RCOR1: variants seen among roughly 807,000 people sequenced by gnomAD.
RCOR1 encodes REST corepressor.
RCOR1 carries 12 observed loss-of-function variants against 64.0 expected under a neutral mutation model. That is an observed-to-expected ratio of 0.19 (90% confidence interval 0.12 to 0.30). The LOEUF (loss-of-function observed/expected upper bound fraction) is 0.30. Ranked by LOEUF, RCOR1 falls within the 10% of genes least tolerant of loss-of-function variation. The pLI, the probability that RCOR1 is intolerant of heterozygous loss-of-function variation, is 1.00. For synonymous variants in RCOR1, 279 were observed against 227.2 expected (o/e 1.23, Z -2.05); for missense variants, 502 against 621.2 (o/e 0.81, Z 2.04).
chr14:102,674,688 C>T (rs974955375), intron 2 of RCOR1, among the ~76,000 whole-genome samples: 1 of 152,110 alleles, frequency 6.6e-6, no homozygotes, highest in Non-Finnish European at 1.5e-5. Flanking sequence ...TTTCTTACCC[C>T]CTTGATGGCA....
rs779843116 is a variant in RCOR1, at chr14:102,730,039, T to C, written c.*3533T>C. On this transcript the variant is annotated 3_prime_UTR_variant, in exon 12 of 12. Transcript: ENST00000262241. ...CAGCTTCTCTTACCTGTCTTACCTG[T>C]AGTAAAGCACAATTGCAGTGGCGTC... The C allele has an allele frequency of 1.5e-5, 6 of 398,920 alleles. No individual in the cohort carries two copies. The highest frequency in any genetic ancestry group is 2.7e-5 in the Non-Finnish European group (6 of 226,076). 24.7% of individuals were successfully genotyped at this position (398,920 alleles called of 1,614,324 possible).
chr14:102,682,245 C>A (rs1173229211), intron 3 of RCOR1, among the ~76,000 whole-genome samples: 3 of 152,084 alleles, frequency 2.0e-5, no homozygotes, highest in Non-Finnish European at 4.4e-5. Flanking sequence ...TTCTCCAGCC[C>A]CAGCCTCCTG....
At chr14:102,678,514 G>A (rs1038467722) in intron 2 of RCOR1, among the ~76,000 whole-genome samples, 1 of 152,052 alleles carries the variant, frequency 6.6e-6, no homozygotes, top group Non-Finnish European at 1.5e-5. Flanking sequence ...GGTCAGGCTG[G>A]TCTCGAACCC....
chr14:102,682,651 G>A (rs776060608), intron 3 of RCOR1, among the ~76,000 whole-genome samples: 2 of 152,104 alleles, frequency 1.3e-5, no homozygotes, highest in African/African-American at 2.4e-5. Flanking sequence ...TTCATCTCCT[G>A]TTGTCCTTCT....
At chr14:102,659,171 C>T in intron 2 of RCOR1, 2 of 984,794 alleles carry the variant, frequency 2.0e-6, no homozygotes, top group Non-Finnish European at 2.4e-6. Flanking sequence ...TAAAAAGAAG[C>T]TCTTTAGATA....
At chr14:102,631,719 G>A (rs1894114890) in intron 2 of RCOR1, among the ~76,000 whole-genome samples, 1 of 152,152 alleles carries the variant, frequency 6.6e-6, no homozygotes, top group South Asian at 2.1e-4. Flanking sequence ...GAGTATGCAT[G>A]TGATGTTTTA....
chr14:102,628,680 G>A (rs147953692), intron 2 of RCOR1, among the ~76,000 whole-genome samples: 8 of 152,186 alleles, frequency 5.3e-5, no homozygotes, highest in Non-Finnish European at 7.4e-5. Context: ...TCAGCCTCCC[G>A]AGAGGTGGGA....
intron 2 of RCOR1, among the ~76,000 whole-genome samples, chr14:102,665,699 G>A (rs556628906): frequency 6.6e-6 from 1 of 152,294 alleles, no homozygotes; most frequent in East Asian, 1.9e-4. Flanking sequence ...TTGAGTCCCA[G>A]ATGGGAGTTC....
In RCOR1 at chr14:102,726,694, A is replaced by G; in HGVS notation, c.*188A>G. 1.7e-6 allele frequency: 1 copy of G among 576,722 alleles called. No individual in the cohort carries two copies. The highest frequency in any genetic ancestry group is 3.0e-6 in the Non-Finnish European group (1 of 332,202). The allele number at this position is 576,722 out of a possible 1,614,324, so 35.7% of individuals were successfully genotyped here. Reference sequence around the variant, plus strand: ...TTGCTCGTTCCTCCATGTTGGCGCCACTTCCCAGAGAGCTCCACTGCATCT... The same window carrying G: ...TTGCTCGTTCCTCCATGTTGGCGCCGCTTCCCAGAGAGCTCCACTGCATCT... On this transcript the variant is annotated 3_prime_UTR_variant, in exon 12 of 12. Transcript: ENST00000262241.
rs71119722 is a variant in RCOR1 at position 102,617,587 on chromosome 14, C to CT, written c.361+24284dup. Among the ~76,000 whole-genome samples the CT allele has an allele frequency of 5.0e-3, 590 of 118,236 alleles. 15 individuals carry two copies. The East Asian group carries it at 0.077, about 15-fold the overall frequency. The allele number at this position is 118,236 out of a possible 152,430, so 77.6% of individuals were successfully genotyped here. A position where few individuals can be genotyped will look rare whatever the true frequency, so the allele number is the denominator to read the frequency against. On this transcript the variant is annotated intron_variant, in intron 2 of 11. Coordinates refer to ENST00000262241, the MANE Select transcript of RCOR1 (RefSeq NM_015156.4). ...GGGGCAACGAAGACACTGTCTCTTT[C>CT]TTTTTTTTTTTTTTTTTTTTTTGAT...
chr14:102,658,910 G>C, intron 2 of RCOR1, among the ~76,000 whole-genome samples: 1 of 152,098 alleles, frequency 6.6e-6, no homozygotes. Context: ...ATTTATTGCT[G>C]GTAATGTTAA....
At chr14:102,678,012 A>G (rs1220951794) in intron 2 of RCOR1, among the ~76,000 whole-genome samples, 2 of 150,024 alleles carry the variant, frequency 1.3e-5, no homozygotes, top group East Asian at 2.0e-4. Context: ...CAGCCCGGCC[A>G]ACACAGCAAA....
chr14:102,692,710 CTCCTTCCTTCCT>C (rs35869950), intron 3 of RCOR1, among the ~76,000 whole-genome samples: 1,294 of 118,688 alleles, frequency 0.011, 25 homozygotes, highest in African/African-American at 0.036. Context: ...AACTACATCT[CTCCTTCCTTCCT>C]TCCTTCCTTC....
intron 2 of RCOR1, among the ~76,000 whole-genome samples, chr14:102,678,086 G>A (rs1246488786): frequency 2.6e-5 from 4 of 151,526 alleles, no homozygotes; most frequent in East Asian, 2.0e-4. Flanking sequence ...GCCTGCAATC[G>A]CAGGCACTCG....
intron 2 of RCOR1, among the ~76,000 whole-genome samples, chr14:102,628,421 T>C (rs1894025883): frequency 6.6e-6 from 1 of 152,050 alleles, no homozygotes. Context: ...TAAGAGCTAG[T>C]CCCTGGCTTC....
chr14:102,644,179 T>C (rs755720582), intron 2 of RCOR1, among the ~76,000 whole-genome samples: 3 of 152,214 alleles, frequency 2.0e-5, no homozygotes, highest in Non-Finnish European at 2.9e-5. Flanking sequence ...ATGGGCTGAT[T>C]TGTGCTCCTC....
chr14:102,595,088 T>C (rs576415912), intron 2 of RCOR1, among the ~76,000 whole-genome samples: 3 of 152,362 alleles, frequency 2.0e-5, no homozygotes, highest in African/African-American at 7.2e-5. Context: ...AGTAATGAGT[T>C]TGACTTCTTT....
intron 2 of RCOR1, among the ~76,000 whole-genome samples, chr14:102,644,399 G>C (rs1894437883): frequency 6.6e-6 from 1 of 152,234 alleles, no homozygotes; most frequent in South Asian, 2.1e-4. Context: ...TGGAATTGCA[G>C]TCAGAGTGTA....
intron 3 of RCOR1, among the ~76,000 whole-genome samples, chr14:102,694,535 A>C (rs900412770): frequency 1.8e-4 from 28 of 152,162 alleles, no homozygotes; most frequent in African/African-American, 5.5e-4. Flanking sequence ...TCGTCCTCCC[A>C]AAGTGCTAGG....
Sources: allele counts gnomAD v4.1 joint callset (sites outside exome capture counted in the v4.1 genomes callset), GRCh38; gene constraint gnomAD v4.1.1; transcripts MANE v1.5; gene names NCBI Gene and HGNC (gene_info 2026-07-23, HGNC 2026-07-21).